The following BCL7A variants were observed in gnomAD, a reference collection of about 807,000 sequenced individuals.
BCL7A encodes the protein B-cell CLL/lymphoma 7 protein family member A.
Under a neutral mutation model 28.4 loss-of-function variants are expected in BCL7A, and 11 were observed. That is an observed-to-expected ratio of 0.39 (90% CI 0.24 to 0.64). The LOEUF is 0.64. BCL7A is among the 30% of genes least tolerant of loss of function. BCL7A has a pLI of 0.50. For missense variants in BCL7A, 222 were observed against 274.8 expected (o/e 0.81, Z 1.36); for synonymous variants, 123 against 103.3 (o/e 1.19, Z -1.15).
At chr12:122,047,319 T>C (rs1414013686) in intron 4 of BCL7A, among the ~76,000 whole-genome samples, 4 of 150,116 alleles carry the variant, frequency 2.7e-5, no homozygotes, top group South Asian at 2.1e-4. Context: ...GTCAGGAGAT[T>C]GAGACCATCC....
Position 122,035,355 on chromosome 12 carries a change from A to G in BCL7A, c.199A>G (p.Lys67Glu). 1 of 1,614,146 alleles carries G rather than the reference A, an allele frequency of 6.2e-7. No homozygotes were observed. Among genetic ancestry groups the G allele is most frequent in the Non-Finnish European group, 8.5e-7 (1 of 1,179,988 alleles). ...DDKNKNKKKG[K>E]DEKCGSEVTT... ...GAAAAACAAGAATAAGAAAAAAGGC[A>G]AGGACGAGAAGTGTGGCTCAGAGGT... Residue 67 changes from lysine (K) to glutamate (E), a missense_variant, in exon 3 of 6, where the codon AAG becomes GAG. This residue lies in a region of BCL7A where 67 missense variants were observed against 129.1 expected (regional missense o/e 0.52). Transcript: ENST00000261822.
chr12:122,053,365 C>T (rs1047901087), intron 4 of BCL7A, among the ~76,000 whole-genome samples: 1 of 152,214 alleles, frequency 6.6e-6, no homozygotes, highest in Admixed American at 6.5e-5. Flanking sequence ...CTTGCTGTCC[C>T]GTTCCCCCGC....
intron 4 of BCL7A, among the ~76,000 whole-genome samples, chr12:122,049,239 AAAAG>A (rs1358008629): frequency 6.7e-6 from 1 of 149,632 alleles, no homozygotes; most frequent in Non-Finnish European, 1.5e-5. Context: ...AAAAAAAAAA[AAAAG>A]AGAAGAAAAA....
At position 122,029,340 on chromosome 12, in the gene BCL7A, T is replaced by A. The variant is rs1593023090; in HGVS notation, c.93-1360T>A. ...GTGGTTTCGGCTGGCTGGGTTTGAG[T>A]ATGCTCCGTCATCCCGCAACCCCCG... is the stretch of plus-strand genomic sequence containing the variant. On this transcript the variant is annotated intron_variant, in intron 1 of 5. Coordinates refer to ENST00000261822, the MANE Select transcript of BCL7A (RefSeq NM_001024808.3). The surrounding 1 kb of genome is among the most constrained non-coding windows in gnomAD (Gnocchi z 4.3). Among the ~76,000 whole-genome samples the A allele has an allele frequency of 6.6e-6, 1 of 151,994 alleles. No individual in the cohort carries two copies. The highest frequency in any genetic ancestry group is 2.4e-5 in the African/African-American group (1 of 41,432).
At chr12:122,025,309 G>C (rs1442628061) in intron 1 of BCL7A, among the ~76,000 whole-genome samples, 15 of 151,244 alleles carry the variant, frequency 9.9e-5, no homozygotes, top group African/African-American at 3.4e-4. Context: ...ACCAGCCTGG[G>C]TCTCAAACCA....
At chr12:122,025,762 A>C (rs1038461406) in intron 1 of BCL7A, among the ~76,000 whole-genome samples, 2 of 151,790 alleles carry the variant, frequency 1.3e-5, no homozygotes, top group South Asian at 4.2e-4. Context: ...CCTGGCCAAC[A>C]TGGTGAAACC....
chr12:122,023,300 C>T (rs1883518575), intron 1 of BCL7A, among the ~76,000 whole-genome samples: 1 of 152,356 alleles, frequency 6.6e-6, no homozygotes, highest in East Asian at 1.9e-4. Flanking sequence ...CGCCGCAACG[C>T]TGGCTCTGAG....
At chr12:122,042,601 G>T (rs962764680) in intron 3 of BCL7A, among the ~76,000 whole-genome samples, 2 of 148,810 alleles carry the variant, frequency 1.3e-5, no homozygotes, top group Non-Finnish European at 3.0e-5. Flanking sequence ...AGCGAGCCCA[G>T]ATCGCGCCAT....
intron 4 of BCL7A, among the ~76,000 whole-genome samples, chr12:122,047,502 C>T (rs561069694): frequency 1.3e-5 from 2 of 150,612 alleles, no homozygotes; most frequent in Admixed American, 6.6e-5. Context: ...CCAGCCTGGG[C>T]GACAGAGCGA....
At chr12:122,023,963 T>A (rs1406925795) in intron 1 of BCL7A, among the ~76,000 whole-genome samples, 2 of 152,318 alleles carry the variant, frequency 1.3e-5, no homozygotes, top group African/African-American at 2.4e-5. Flanking sequence ...TGGGGCCTCC[T>A]ACTCCAGGTT....
chr12:122,058,987 C>T, intron 5 of BCL7A, 105 bp from the exon 6 acceptor site: 5 of 945,754 alleles, frequency 5.3e-6, no homozygotes, highest in Non-Finnish European at 8.3e-6. Flanking sequence ...AACCACAAAG[C>T]CGCCCCCGCT....
chr12:122,023,219 T>C (rs2135834238), intron 1 of BCL7A, among the ~76,000 whole-genome samples: 1 of 152,220 alleles, frequency 6.6e-6, no homozygotes, highest in African/African-American at 2.4e-5. Flanking sequence ...TGTTGAAAAC[T>C]CCCCGCTGCC....
At chr12:122,055,766 C>G (rs1391777371) in intron 5 of BCL7A, among the ~76,000 whole-genome samples, 1 of 152,148 alleles carries the variant, frequency 6.6e-6, no homozygotes, top group Non-Finnish European at 1.5e-5. Context: ...TTACAGGTGC[C>G]TACCACTCTG....
intron 3 of BCL7A, among the ~76,000 whole-genome samples, chr12:122,042,387 G>T (rs2135851175): frequency 6.6e-6 from 1 of 152,154 alleles, no homozygotes; most frequent in African/African-American, 2.4e-5. Flanking sequence ...GGGTGTGATG[G>T]CTCACACCTG....
intron 3 of BCL7A, 29 bp from the exon 4 acceptor site, chr12:122,043,857 T>C (rs1884010257): frequency 1.3e-6 from 2 of 1,574,652 alleles, no homozygotes; most frequent in African/African-American, 2.7e-5. Context: ...TGGGATTTCA[T>C]CCTGTGGTTC....
At position 122,032,288 on chromosome 12, in the gene BCL7A, G is replaced by C. The variant is rs145825570; in HGVS notation, c.174+1507G>C. Reference sequence around the variant, plus strand: ...CTGGGCTCCCGGAATCACCAGGGCTGCTTTCCCCAAAGGGACTGAGCCTTG... The same window carrying C: ...CTGGGCTCCCGGAATCACCAGGGCTCCTTTCCCCAAAGGGACTGAGCCTTG... On this transcript the variant is annotated intron_variant, in intron 2 of 5. Transcript: ENST00000261822. 1.6e-3 allele frequency among the ~76,000 whole-genome samples: 243 copies of C among 152,320 alleles called. 1 individual carries two copies. The highest frequency in any genetic ancestry group is 3.4e-3 in the Middle Eastern group (1 of 294).
chr12:122,048,970 G>A (rs542256654), intron 4 of BCL7A, among the ~76,000 whole-genome samples: 4 of 146,712 alleles, frequency 2.7e-5, no homozygotes, highest in South Asian at 4.3e-4. Context: ...TTAGTGAGCC[G>A]AGATCATGCC....
At chr12:122,051,511 C>T (rs964668053) in intron 4 of BCL7A, among the ~76,000 whole-genome samples, 6 of 152,172 alleles carry the variant, frequency 3.9e-5, no homozygotes, top group Non-Finnish European at 7.3e-5. Flanking sequence ...CCGCAGCGCC[C>T]AGAGAATCGG....
chr12:122,032,845 T>G (rs1020232655), intron 2 of BCL7A, among the ~76,000 whole-genome samples: 1 of 152,162 alleles, frequency 6.6e-6, no homozygotes, highest in East Asian at 1.9e-4. Context: ...CATGTGCCAC[T>G]CCCCCACCCC....
Sources: gnomAD v4.1 joint callset for allele counts (sites outside exome capture counted in the v4.1 genomes callset) on GRCh38, gnomAD v4.1.1 for gene constraint, gnomAD v4.1.1 regional missense constraint, Gnocchi (gnomAD v3.1) non-coding constraint, MANE v1.5 for transcripts, NCBI Gene and HGNC (gene_info 2026-07-23, HGNC 2026-07-21) for gene names.